Variants in FLRT2 observed in about 807,000 individuals in gnomAD.
FLRT2 encodes the protein leucine-rich repeat transmembrane protein FLRT2.
Under a neutral mutation model 40.0 loss-of-function variants are expected in FLRT2, and 15 were observed. The observed-to-expected ratio is 0.38, with a 90% CI of 0.25 to 0.58. FLRT2 has a LOEUF of 0.58. Among genes scored for constraint, FLRT2 ranks in the 20% least tolerant of loss-of-function variants. FLRT2 has a pLI of 0.71. For missense variants in FLRT2, 726 were observed against 840.0 expected, an observed-to-expected ratio of 0.86 and a Z score of 1.68; for synonymous variants, 380 against 336.8, an observed-to-expected ratio of 1.13 and a Z score of -1.41.
chr14:85,573,981 A>C (rs1480640440), intron 1 of FLRT2, among the ~76,000 whole-genome samples: 7 of 152,160 alleles, frequency 4.6e-5, no homozygotes, highest in Admixed American at 4.6e-4. Flanking sequence ...GCTGTGCATC[A>C]AGGCTCACCT....
intron 1 of FLRT2, among the ~76,000 whole-genome samples, chr14:85,609,528 A>G (rs556575253): frequency 8.5e-4 from 130 of 152,122 alleles, no homozygotes; most frequent in Non-Finnish European, 1.5e-3. Flanking sequence ...TTTCACCGGG[A>G]ATTTGTTTCA....
At chr14:85,552,447 A>G (rs1260159701) in intron 1 of FLRT2, among the ~76,000 whole-genome samples, 1 of 152,242 alleles carries the variant, frequency 6.6e-6, no homozygotes, top group Non-Finnish European at 1.5e-5. Context: ...TAAGTGCTCA[A>G]TAGATTAGCA....
intron 1 of FLRT2, among the ~76,000 whole-genome samples, chr14:85,605,228 C>T (rs1892553650): frequency 6.6e-6 from 1 of 152,098 alleles, no homozygotes; most frequent in South Asian, 2.1e-4. Flanking sequence ...CTACATTGTG[C>T]TTTTGATAAC....
chr14:85,606,014 C>A (rs536470718), intron 1 of FLRT2, among the ~76,000 whole-genome samples: 1 of 152,120 alleles, frequency 6.6e-6, no homozygotes, highest in Non-Finnish European at 1.5e-5. Context: ...ATACCAGCAA[C>A]TTTAGCTAGC....
In FLRT2 at chr14:85,558,023, A is replaced by G. The variant is rs28533086; in HGVS notation, c.-377+27489A>G. Among the ~76,000 whole-genome samples the G allele has an allele frequency of 2.9e-3, 442 of 152,260 alleles. 1 individual carries two copies. The highest frequency in any genetic ancestry group is 0.01 in the African/African-American group (430 of 41,558). ...CCATAGACTTATGTGGAAAGCATCC[A>G]TAGACTTCCGTAGAAAGCATCTGTA... On this transcript the variant is annotated intron_variant, in intron 1 of 1. Coordinates refer to ENST00000330753, the MANE Select transcript of FLRT2 (RefSeq NM_013231.6).
intron 1 of FLRT2, among the ~76,000 whole-genome samples, chr14:85,602,838 A>G (rs532772131): frequency 6.6e-6 from 1 of 152,248 alleles, no homozygotes; most frequent in South Asian, 2.1e-4. Context: ...TGGAAGAGGT[A>G]TTACATAGAA....
rs1392760696 is a variant in FLRT2 at position 85,636,406 on chromosome 14, A to AC, written c.*12909_*12910insC. 5.5e-5 allele frequency: 4 copies of AC among 72,816 alleles called. No individual in the cohort carries two copies. The highest frequency in any genetic ancestry group is 1.5e-4 in the Admixed American group (1 of 6,592). The allele number at this position is 72,816 out of a possible 1,614,324, so 4.5% of individuals were successfully genotyped here. A position where few individuals can be genotyped will look rare whatever the true frequency, so the allele number is the denominator to read the frequency against. The stretch of plus-strand genomic sequence containing the variant: ...TCACCTGCAGAAAAAAAAAAAAAAA[A>AC]AACAAAAAACATTCTTATTAATCTT... On this transcript the variant is annotated 3_prime_UTR_variant, in exon 2 of 2. Transcript: ENST00000330753.
chr14:85,612,140 TAAAAAAAGA>T (rs1341632821), intron 1 of FLRT2, among the ~76,000 whole-genome samples: 2 of 58,406 alleles, frequency 3.4e-5, no homozygotes, highest in Non-Finnish European at 7.1e-5. Context: ...GGGAACTCTT[TAAAAAAAGA>T]AAAAAAAAAA....
At chr14:85,577,861 G>A (rs1280778341) in intron 1 of FLRT2, among the ~76,000 whole-genome samples, 2 of 152,004 alleles carry the variant, frequency 1.3e-5, no homozygotes, top group Non-Finnish European at 2.9e-5. Flanking sequence ...GATTACAGGT[G>A]TGAGCTACCA....
At chr14:85,530,967 G>A (rs1444923779) in intron 1 of FLRT2, among the ~76,000 whole-genome samples, 1 of 152,168 alleles carries the variant, frequency 6.6e-6, no homozygotes, top group African/African-American at 2.4e-5. Flanking sequence ...TTATCAGGCT[G>A]TTGTATCTAA....
intron 1 of FLRT2, among the ~76,000 whole-genome samples, chr14:85,588,438 A>G (rs1003890440): frequency 2.8e-4 from 41 of 145,360 alleles, no homozygotes; most frequent in African/African-American, 1.1e-3. Flanking sequence ...GACTTGATCC[A>G]GTTCCTATCA....
intron 1 of FLRT2, among the ~76,000 whole-genome samples, chr14:85,603,056 A>T (rs1169537590): frequency 6.6e-6 from 1 of 152,218 alleles, no homozygotes; most frequent in East Asian, 1.9e-4. Flanking sequence ...CCATTTAAAT[A>T]GGATCTTTCT....
chr14:85,567,373 A>G (rs1890671644), intron 1 of FLRT2, among the ~76,000 whole-genome samples: 1 of 151,956 alleles, frequency 6.6e-6, no homozygotes, highest in Non-Finnish European at 1.5e-5. Flanking sequence ...AAAAGCATAC[A>G]CTCTGTGTTT....
At chr14:85,560,863 C>G (rs530684643) in intron 1 of FLRT2, 1 of 151,944 alleles carries the variant, frequency 6.6e-6, no homozygotes, top group South Asian at 2.1e-4. Context: ...TTCTTCTTTT[C>G]GTGCAATTAG....
rs1893925381 is a variant in FLRT2 at position 85,633,210 on chromosome 14, A to G, written c.*9713A>G. The G allele has an allele frequency of 6.6e-6, 1 of 152,178 alleles. No homozygotes were observed. Among genetic ancestry groups the G allele is most frequent in the Non-Finnish European group, 1.5e-5 (1 of 68,010 alleles). 9.4% of individuals were successfully genotyped at this position (152,178 alleles called of 1,614,324 possible). ...CAGCTATTATCAAGATGGGTCTGTCAGAAAGGTTTTCATTATTCTGTATTC... is the reference window on the plus strand; with the variant it reads ...CAGCTATTATCAAGATGGGTCTGTCGGAAAGGTTTTCATTATTCTGTATTC... On this transcript the variant is annotated 3_prime_UTR_variant, in exon 2 of 2. Transcript: ENST00000330753.
rs1384257956 is a variant in FLRT2 at position 85,603,889 on chromosome 14, G to A, written c.-376-17250G>A. On this transcript the variant is annotated intron_variant, in intron 1 of 1. Transcript: ENST00000330753. Reference sequence around the variant, plus strand: ...AATCTTGAAACCTGGATTGAGAATGGAGAACAGATCCGAAATTAAATGTAT... The same window carrying A: ...AATCTTGAAACCTGGATTGAGAATGAAGAACAGATCCGAAATTAAATGTAT... Among the ~76,000 whole-genome samples the A allele has an allele frequency of 2.0e-5, 3 of 152,128 alleles. No individual in the cohort carries two copies. The South Asian group carries it at 6.2e-4, about 32-fold the overall frequency.
At chr14:85,559,504 G>T (rs1347367978) in intron 1 of FLRT2, 1 of 152,172 alleles carries the variant, frequency 6.6e-6, no homozygotes, top group Admixed American at 6.5e-5. Flanking sequence ...TAAAGGCACT[G>T]TTCTTACTGC....
At chr14:85,566,416 A>C (rs756390469) in intron 1 of FLRT2, among the ~76,000 whole-genome samples, 5 of 152,188 alleles carry the variant, frequency 3.3e-5, no homozygotes, top group Non-Finnish European at 7.3e-5. Context: ...GAAATCAGGG[A>C]CTGTTTTCTG....
rs1202300886 is a variant in FLRT2 at position 85,630,291 on chromosome 14, T to A, written c.*6794T>A. Reference sequence around the variant, plus strand: ...AATGGGTGATCATATCTGTCTTTTTTTTTTTTTTTTTTTTTTGGTATGAAG... The same window carrying A: ...AATGGGTGATCATATCTGTCTTTTTATTTTTTTTTTTTTTTTGGTATGAAG... On this transcript the variant is annotated 3_prime_UTR_variant, in exon 2 of 2. Transcript: ENST00000330753. The A allele has an allele frequency of 6.8e-6, 1 of 147,838 alleles. No homozygotes were observed. The highest frequency in any genetic ancestry group is 2.5e-5 in the African/African-American group (1 of 40,140). The allele number at this position is 147,838 out of a possible 1,614,324, so 9.2% of individuals were successfully genotyped here.
Sources: allele counts gnomAD v4.1 joint callset (sites outside exome capture counted in the v4.1 genomes callset), GRCh38; gene constraint gnomAD v4.1.1; transcripts MANE v1.5; gene names NCBI Gene and HGNC (gene_info 2026-07-23, HGNC 2026-07-21).